SCRG1: variants seen among roughly 807,000 people sequenced by gnomAD.
SCRG1 encodes scrapie-responsive protein 1.
SCRG1 carries 3 observed loss-of-function variants against 7.7 expected under a neutral mutation model. The observed-to-expected ratio is 0.39, with a 90% CI of 0.18 to 1.01. The LOEUF (loss-of-function observed/expected upper bound fraction) is 1.01, where lower values mean the gene tolerates loss of function less well. SCRG1 is among the 50% of genes least tolerant of loss of function. The pLI, the probability that SCRG1 is intolerant of heterozygous loss-of-function variation, is 0.36. For synonymous variants in SCRG1, 46 were observed against 41.2 expected (o/e 1.12, Z -0.44); for missense variants, 110 against 117.2 (o/e 0.94, Z 0.28).
In SCRG1 at chr4:173,386,822, C is replaced by T. The variant is rs1416450339; in HGVS notation, c.*1519G>A. On this transcript the variant is annotated 3_prime_UTR_variant, in exon 3 of 3. Coordinates refer to ENST00000296506, the MANE Select transcript of SCRG1 (RefSeq NM_007281.4). ...AATTACTTGTTTATAGCAATCACAC[C>T]TTTGTTAGAGCACAAGTTCCAAGAA... The T allele has an allele frequency of 1.3e-5, 2 of 152,282 alleles. No individual in the cohort carries two copies. Among genetic ancestry groups the T allele is most frequent in the East Asian group, 3.9e-4 (2 of 5,180 alleles). The allele number at this position is 152,282 out of a possible 1,614,324, so 9.4% of individuals were successfully genotyped here. A position where few individuals can be genotyped will look rare whatever the true frequency, so the allele number is the denominator to read the frequency against.
the SCRG1 span, among the ~76,000 whole-genome samples, chr4:173,473,412 G>A: frequency 6.6e-6 from 1 of 152,144 alleles, no homozygotes; most frequent in African/African-American, 2.4e-5. Context: ...CCTAAGTTGG[G>A]CAATAAATTT....
At chr4:173,396,724 G>GTGTGTGTGTGTA (rs1396849587) in intron 1 of SCRG1, among the ~76,000 whole-genome samples, 2 of 130,984 alleles carry the variant, frequency 1.5e-5, no homozygotes, top group African/African-American at 6.2e-5. Context: ...GTGTGTGTGT[G>GTGTGTGTGTGTA]TGTGTGTGTG....
intron 1 of SCRG1, among the ~76,000 whole-genome samples, chr4:173,394,202 C>T (rs749050226): frequency 1.1e-4 from 16 of 152,018 alleles, no homozygotes; most frequent in Non-Finnish European, 1.9e-4. Flanking sequence ...GCTTTTCCCC[C>T]CTGCCTTGTC....
chr4:173,518,380 A>G, the SCRG1 span, among the ~76,000 whole-genome samples: 2 of 152,200 alleles, frequency 1.3e-5, no homozygotes, highest in Non-Finnish European at 2.9e-5. Context: ...GCATTTATTT[A>G]AAGTTACTTA....
At chr4:173,447,405 C>T in the SCRG1 span, among the ~76,000 whole-genome samples, 1 of 152,210 alleles carries the variant, frequency 6.6e-6, no homozygotes, top group Non-Finnish European at 1.5e-5. Flanking sequence ...AACATTCAGT[C>T]CATCGCAGCT....
chr4:173,447,989 A>C, the SCRG1 span, among the ~76,000 whole-genome samples: 1 of 152,178 alleles, frequency 6.6e-6, no homozygotes, highest in African/African-American at 2.4e-5. Context: ...CTGTAATCCC[A>C]TCTACTTGGG....
chr4:173,415,433 A>T, the SCRG1 span, among the ~76,000 whole-genome samples: 1 of 152,154 alleles, frequency 6.6e-6, no homozygotes, highest in African/African-American at 2.4e-5. Context: ...TTAATTTTTG[A>T]GTGTTTTGTA....
chr4:173,419,595 C>T, the SCRG1 span: 1 of 725,366 alleles, frequency 1.4e-6, no homozygotes, highest in Non-Finnish European at 2.5e-6. Flanking sequence ...GAATCATAAC[C>T]AAGGATTCAT....
At chr4:173,433,008 A>G in the SCRG1 span, among the ~76,000 whole-genome samples, 2 of 152,232 alleles carry the variant, frequency 1.3e-5, no homozygotes, top group African/African-American at 4.8e-5. Context: ...TACAGATATC[A>G]GAAAGCATGA....
chr4:173,485,550 G>A, the SCRG1 span, among the ~76,000 whole-genome samples: 220 of 152,128 alleles, frequency 1.4e-3, 3 homozygotes, highest in South Asian at 0.043. Flanking sequence ...TTTAATGGTA[G>A]TTGTTTTAAG....
chr4:173,482,907 T>G, the SCRG1 span, among the ~76,000 whole-genome samples: 24 of 138,934 alleles, frequency 1.7e-4, no homozygotes, highest in Admixed American at 2.4e-4. Context: ...TAATATATAT[T>G]AAATATATAA....
the SCRG1 span, among the ~76,000 whole-genome samples, chr4:173,478,165 C>T: frequency 6.6e-6 from 1 of 152,120 alleles, no homozygotes; most frequent in Non-Finnish European, 1.5e-5. Context: ...CTTAATATAG[C>T]TTTAACCTGC....
At chr4:173,422,795 A>G in the SCRG1 span, among the ~76,000 whole-genome samples, 1 of 152,228 alleles carries the variant, frequency 6.6e-6, no homozygotes, top group Non-Finnish European at 1.5e-5. Flanking sequence ...GATACCAATC[A>G]TTATCAGTAT....
the SCRG1 span, among the ~76,000 whole-genome samples, chr4:173,490,643 T>C: frequency 6.6e-6 from 1 of 152,240 alleles, no homozygotes; most frequent in South Asian, 2.1e-4. Context: ...TTTATTTCAA[T>C]GCCTTGATCT....
At chr4:173,470,726 A>G in the SCRG1 span, among the ~76,000 whole-genome samples, 22 of 152,240 alleles carry the variant, frequency 1.4e-4, no homozygotes, top group African/African-American at 5.3e-4. Flanking sequence ...CATCATTCTA[A>G]CTAATAGCCA....
the SCRG1 span, among the ~76,000 whole-genome samples, chr4:173,496,314 G>A: frequency 1.3e-5 from 2 of 151,908 alleles, no homozygotes; most frequent in Non-Finnish European, 2.9e-5. Flanking sequence ...GCTAAGGTAG[G>A]GGGTTCTTTG....
the SCRG1 span, among the ~76,000 whole-genome samples, chr4:173,413,102 T>C: frequency 3.3e-5 from 5 of 151,034 alleles, no homozygotes; most frequent in Non-Finnish European, 7.4e-5. Flanking sequence ...GTTGATCTCA[T>C]AAGTTGCATT....
chr4:173,475,941 C>A, the SCRG1 span, among the ~76,000 whole-genome samples: 1 of 151,658 alleles, frequency 6.6e-6, no homozygotes. Flanking sequence ...GGGCCTGAGG[C>A]AGTTAGTGAT....
chr4:173,466,055 T>C, the SCRG1 span, among the ~76,000 whole-genome samples: 90 of 152,268 alleles, frequency 5.9e-4, no homozygotes, highest in African/African-American at 2.0e-3. Context: ...TTCCCCTTGG[T>C]TTAAAGACCA....
Sources: gnomAD v4.1 joint callset for allele counts (sites outside exome capture counted in the v4.1 genomes callset) on GRCh38, gnomAD v4.1.1 for gene constraint, MANE v1.5 for transcripts, NCBI Gene and HGNC (gene_info 2026-07-23, HGNC 2026-07-21) for gene names.